CTNNA3: variants seen among roughly 807,000 people sequenced by gnomAD.
CTNNA3 encodes catenin alpha 3, also known as catenin alpha-3.
A neutral mutation model predicts 95.7 loss-of-function variants in CTNNA3; 76 were observed. That is an observed-to-expected ratio of 0.79 (90% CI 0.66 to 0.96). CTNNA3 has a LOEUF of 0.96. Ranked by LOEUF, CTNNA3 falls within the 40% of genes least tolerant of loss-of-function variation. The pLI, the probability that CTNNA3 is intolerant of heterozygous loss-of-function variation, is 0.00. For missense variants in CTNNA3, 1,191 were observed against 1,089.8 expected, an observed-to-expected ratio of 1.09 and a Z score of -1.31; for synonymous variants, 431 against 374.4, an observed-to-expected ratio of 1.15 and a Z score of -1.74.
chr10:66,949,382 C>A (rs1488438777), intron 7 of CTNNA3, among the ~76,000 whole-genome samples: 3 of 151,968 alleles, frequency 2.0e-5, no homozygotes. Flanking sequence ...CATGGAGAAA[C>A]CCCGTCTCTA....
intron 7 of CTNNA3, chr10:67,054,851 C>T (rs1855328270): frequency 1.3e-5 from 2 of 151,976 alleles, no homozygotes; most frequent in Admixed American, 1.3e-4. Context: ...GGTAGGGAGT[C>T]CAACACTTCC....
chr10:66,361,057 A>G (rs1282729288), intron 12 of CTNNA3, among the ~76,000 whole-genome samples: 1 of 151,344 alleles, frequency 6.6e-6, no homozygotes, highest in Non-Finnish European at 1.5e-5. Flanking sequence ...CCTGGGCTCA[A>G]GTGATCCTCC....
At chr10:65,920,997 A>G (rs915023718) in intron 17 of CTNNA3, among the ~76,000 whole-genome samples, 1 of 152,174 alleles carries the variant, frequency 6.6e-6, no homozygotes, top group African/African-American at 2.4e-5. Flanking sequence ...CTAATTATGT[A>G]ATGTGTTTTG....
At chr10:67,274,917 T>C (rs1564528442) in intron 5 of CTNNA3, among the ~76,000 whole-genome samples, 1 of 152,136 alleles carries the variant, frequency 6.6e-6, no homozygotes, top group Non-Finnish European at 1.5e-5. Context: ...AAATATAGAA[T>C]CATTAGATAT....
At chr10:67,128,155 CTGGCCATAGGG>C (rs1188041002) in intron 7 of CTNNA3, among the ~76,000 whole-genome samples, 1 of 152,110 alleles carries the variant, frequency 6.6e-6, no homozygotes, top group Non-Finnish European at 1.5e-5. Flanking sequence ...GTCAACTTGA[CTGGCCATAGGG>C]TGCCCAGATA....
intron 1 of CTNNA3, among the ~76,000 whole-genome samples, chr10:67,726,689 G>A (rs1385506824): frequency 6.9e-3 from 8 of 1,160 alleles, no homozygotes; most frequent in African/African-American, 0.024. Context: ...AATATATGAT[G>A]TATTATATAT....
At chr10:66,751,182 C>T (rs1223460136) in intron 9 of CTNNA3, among the ~76,000 whole-genome samples, 3 of 152,012 alleles carry the variant, frequency 2.0e-5, no homozygotes, top group Non-Finnish European at 4.4e-5. Context: ...GCAGAAGAAT[C>T]GCTTGAACCC....
intron 11 of CTNNA3, among the ~76,000 whole-genome samples, chr10:66,446,552 A>G (rs1376077036): frequency 4.0e-5 from 6 of 151,706 alleles, no homozygotes; most frequent in Non-Finnish European, 8.8e-5. Flanking sequence ...TCCAGCATAT[A>G]AACAGAACCA....
chr10:66,373,708 T>C (rs1221914243), intron 12 of CTNNA3, among the ~76,000 whole-genome samples: 2 of 152,188 alleles, frequency 1.3e-5, no homozygotes, highest in Non-Finnish European at 2.9e-5. Flanking sequence ...CAACAATGGC[T>C]CCCAAATGTG....
chr10:67,155,581 TAA>T (rs1293399694), intron 7 of CTNNA3, among the ~76,000 whole-genome samples: 8 of 151,996 alleles, frequency 5.3e-5, no homozygotes, highest in Non-Finnish European at 1.2e-4. Context: ...AGTTACCAAA[TAA>T]TCCTATTATG....
intron 11 of CTNNA3, among the ~76,000 whole-genome samples, chr10:66,427,273 T>C (rs2093250795): frequency 6.6e-6 from 1 of 152,000 alleles, no homozygotes; most frequent in African/African-American, 2.4e-5. Flanking sequence ...CTCACTGCCA[T>C]GTGTTTCTTG....
chr10:67,540,730 T>C lies in CTNNA3; in HGVS notation c.293-1061A>G, dbSNP rs577386587. Among the ~76,000 whole-genome samples the C allele has an allele frequency of 2.7e-4, 41 of 152,072 alleles. No homozygotes were observed. The East Asian group carries it at 7.5e-3, about 28-fold the overall frequency. ...TTTTATATGTTATAAGAAGAAAATG[T>C]AAAAATATAGAGCCTTTAGCAAGTA... On this transcript the variant is annotated intron_variant, in intron 3 of 17. Transcript: ENST00000433211.
At chr10:66,878,150 C>CAAA (rs1844697916) in intron 7 of CTNNA3, among the ~76,000 whole-genome samples, 1 of 152,048 alleles carries the variant, frequency 6.6e-6, no homozygotes, top group African/African-American at 2.4e-5. Flanking sequence ...CATTTTTTTC[C>CAAA]ATGAATGGGC....
intron 9 of CTNNA3, among the ~76,000 whole-genome samples, chr10:66,678,447 C>T (rs1054297187): frequency 3.3e-5 from 5 of 152,316 alleles, no homozygotes. Context: ...TACACACACA[C>T]ATGCACACAT....
chr10:67,594,798 T>G (rs192027963), intron 3 of CTNNA3, among the ~76,000 whole-genome samples: 77 of 152,266 alleles, frequency 5.1e-4, no homozygotes, highest in Middle Eastern at 3.4e-3. Flanking sequence ...AGTTCTTTAG[T>G]GGTGATCTGT....
At chr10:66,164,116 C>T (rs1344603399) in intron 13 of CTNNA3, among the ~76,000 whole-genome samples, 2 of 152,132 alleles carry the variant, frequency 1.3e-5, no homozygotes, top group African/African-American at 4.8e-5. Context: ...ACTATTTACA[C>T]ATCAGTAATT....
At chr10:66,127,078 T>C (rs1229212217) in intron 13 of CTNNA3, among the ~76,000 whole-genome samples, 1 of 151,948 alleles carries the variant, frequency 6.6e-6, no homozygotes, top group Non-Finnish European at 1.5e-5. Context: ...ACCATCCTGC[T>C]GGCTAACACG....
chr10:66,431,053 G>GAAA lies in CTNNA3; in HGVS notation c.1532-51704_1532-51702dup, dbSNP rs201197251. 1.1e-4 allele frequency among the ~76,000 whole-genome samples: 16 copies of GAAA among 144,800 alleles called. No homozygotes were observed. The South Asian group carries it at 1.7e-3, about 16-fold the overall frequency. The allele number at this position is 144,800 out of a possible 152,430, so 95.0% of individuals were successfully genotyped here. On this transcript the variant is annotated intron_variant, in intron 11 of 17. Coordinates refer to ENST00000433211, the MANE Select transcript of CTNNA3 (RefSeq NM_013266.4). ...ATCCACAAAGAACTCAAATTTACAA[G>GAAA]AAAAAAAAAAACCCATCAAAAAGTG...
intron 13 of CTNNA3, among the ~76,000 whole-genome samples, chr10:66,123,855 C>T (rs970209779): frequency 6.6e-6 from 1 of 152,160 alleles, no homozygotes; most frequent in African/African-American, 2.4e-5. Context: ...AGGCAGGGCA[C>T]CAAGTTCCTA....
Sources: allele counts gnomAD v4.1 joint callset (sites outside exome capture counted in the v4.1 genomes callset), GRCh38; gene constraint gnomAD v4.1.1; transcripts MANE v1.5; gene names NCBI Gene and HGNC (gene_info 2026-07-23, HGNC 2026-07-21).